Variants in LRRN2 observed in about 807,000 individuals in gnomAD.
LRRN2 encodes the protein leucine rich repeat neuronal 2.
A neutral mutation model predicts 35.7 loss-of-function variants in LRRN2; 10 were observed. The ratio of observed to expected loss-of-function variants is 0.28; its 90% confidence interval spans 0.17 to 0.47. The LOEUF (loss-of-function observed/expected upper bound fraction) is 0.47. Among genes scored for constraint, LRRN2 ranks in the 20% least tolerant of loss-of-function variants. LRRN2 has a pLI of 0.99. For synonymous variants in LRRN2, 391 were observed against 409.6 expected, an observed-to-expected ratio of 0.95 and a Z score of 0.55; for missense variants, 731 against 940.3, an observed-to-expected ratio of 0.78 and a Z score of 2.91.
chr1:204,619,379 A>G lies in LRRN2; in HGVS notation c.614T>C (p.Leu205Pro), dbSNP rs1439360455. ...GGCCAGGGGCCGGAAGTTCATGTCC[A>G]GGATGGCATCTACCTTGTTGCCGCC... ...MIGGNKVDAI[L>P]DMNFRPLANL... The change falls in exon 2 of 2, where the codon CTG becomes CCG. Residue 205 changes from leucine (L) to proline (P), a missense_variant. Around this residue, in one of 3 missense-constraint regions of LRRN2, gnomAD observed 246 missense variants for 289.5 expected, o/e 0.85. Coordinates refer to ENST00000367177, the MANE Select transcript of LRRN2 (RefSeq NM_201630.2). The G allele has an allele frequency of 6.2e-7, 1 of 1,614,252 alleles. No individual in the cohort carries two copies. The highest frequency in any genetic ancestry group is 1.7e-5 in the Admixed American group (1 of 60,028).
chr1:204,674,701 T>C (rs1668786157), intron 1 of LRRN2, among the ~76,000 whole-genome samples: 1 of 152,194 alleles, frequency 6.6e-6, no homozygotes, highest in Non-Finnish European at 1.5e-5. Context: ...CCCAGAGCTG[T>C]GTCTCCACTC....
At chr1:204,656,924 T>G (rs1029631076) in intron 1 of LRRN2, among the ~76,000 whole-genome samples, 1 of 152,228 alleles carries the variant, frequency 6.6e-6, no homozygotes, top group Non-Finnish European at 1.5e-5. Context: ...AACAACATAT[T>G]TTAAGTCTCC....
chr1:204,636,764 T>C (rs1667845209), intron 1 of LRRN2, among the ~76,000 whole-genome samples: 1 of 152,124 alleles, frequency 6.6e-6, no homozygotes, highest in Non-Finnish European at 1.5e-5. Flanking sequence ...GACTCTGTCT[T>C]TTAGAATAAA....
chr1:204,632,552 C>T (rs936819354), intron 1 of LRRN2, among the ~76,000 whole-genome samples: 2 of 151,570 alleles, frequency 1.3e-5, no homozygotes, highest in African/African-American at 2.4e-5. Context: ...TCACTTGAAC[C>T]CAGGGGGTGG....
intron 1 of LRRN2, among the ~76,000 whole-genome samples, chr1:204,663,341 T>G (rs1668509385): frequency 6.6e-6 from 1 of 152,208 alleles, no homozygotes; most frequent in African/African-American, 2.4e-5. Context: ...TATGCTTGGT[T>G]GACTTGGCCG....
Position 204,620,216 on chromosome 1 carries a change from G to A in LRRN2, c.-224C>T. On this transcript the variant is annotated splice_region_variant and 5_prime_UTR_variant, in exon 2 of 2. Transcript: ENST00000367177. The stretch of plus-strand genomic sequence containing the variant: ...TCATTGCCAGGCCCCATCAGGGGCA[G>A]CCCTGGAAGAAGAGGATGCAGAGTT... 1 of 1,438,898 alleles carries A rather than the reference G, an allele frequency of 6.9e-7. No homozygotes were observed. The allele number at this position is 1,438,898 out of a possible 1,614,324, so 89.1% of individuals were successfully genotyped here.
At chr1:204,672,126 G>T (rs1171476572) in intron 1 of LRRN2, among the ~76,000 whole-genome samples, 2 of 152,270 alleles carry the variant, frequency 1.3e-5, no homozygotes, top group East Asian at 1.9e-4. Context: ...GAATAATCGT[G>T]TCTTAGAGAC....
chr1:204,657,794 C>T (rs970527320), intron 1 of LRRN2, among the ~76,000 whole-genome samples: 2 of 151,986 alleles, frequency 1.3e-5, no homozygotes, highest in African/African-American at 2.4e-5. Context: ...GGTATAATGT[C>T]GTCTCTCAAC....
chr1:204,641,941 C>T (rs1295777147), intron 1 of LRRN2, among the ~76,000 whole-genome samples: 3 of 152,258 alleles, frequency 2.0e-5, no homozygotes, highest in African/African-American at 7.2e-5. Flanking sequence ...ATGCACCCTC[C>T]TCTCTGCAGC....
chr1:204,675,177 GA>G (rs2102242704), intron 1 of LRRN2, among the ~76,000 whole-genome samples: 1 of 152,240 alleles, frequency 6.6e-6, no homozygotes, highest in South Asian at 2.1e-4. Flanking sequence ...AGGCTTCTCG[GA>G]GCCACCGAGT....
intron 1 of LRRN2, among the ~76,000 whole-genome samples, chr1:204,663,251 G>A (rs1237246003): frequency 6.6e-6 from 1 of 152,162 alleles, no homozygotes; most frequent in Non-Finnish European, 1.5e-5. Flanking sequence ...TCATGGACCT[G>A]GAGCATATCA....
At chr1:204,637,405 G>A (rs1667861425) in intron 1 of LRRN2, among the ~76,000 whole-genome samples, 1 of 152,192 alleles carries the variant, frequency 6.6e-6, no homozygotes, top group Admixed American at 6.5e-5. Context: ...AGGGGAGAGG[G>A]TGGTGGCTGC....
chr1:204,666,962 CAAAAAAAAAAAAA>C (rs34503593), intron 1 of LRRN2, among the ~76,000 whole-genome samples: 2 of 64,814 alleles, frequency 3.1e-5, no homozygotes, highest in African/African-American at 1.3e-4. Flanking sequence ...ACTCTGTCTC[CAAAAAAAAAAAAA>C]AAAAAAAAAA....
chr1:204,684,133 G>C (rs564443611), intron 1 of LRRN2, among the ~76,000 whole-genome samples: 1 of 152,288 alleles, frequency 6.6e-6, no homozygotes, highest in South Asian at 2.1e-4. Flanking sequence ...TGCATGGGGA[G>C]ACCTACATCT....
At chr1:204,670,496 A>G (rs1242657199) in intron 1 of LRRN2, among the ~76,000 whole-genome samples, 1 of 152,150 alleles carries the variant, frequency 6.6e-6, no homozygotes, top group Non-Finnish European at 1.5e-5. Flanking sequence ...AAGAAAAGAC[A>G]CCAACTAGGA....
At position 204,618,971 on chromosome 1, in the gene LRRN2, A is replaced by G; in HGVS notation, c.1022T>C (p.Met341Thr). ...FHHLPQMETLMLNNNALSALH... is the reference protein window; with the variant it reads ...FHHLPQMETLTLNNNALSALH... ...GGCACTGAGAGCGTTGTTGTTGAGC[A>G]TGAGGGTCTCCATCTGGGGCAGGTG... The change falls in exon 2 of 2, where the codon ATG (methionine) becomes ACG (threonine). Residue 341 changes from methionine to threonine, a missense_variant. Transcript: ENST00000367177. 1 of 1,613,802 alleles carries G rather than the reference A, an allele frequency of 6.2e-7. No homozygotes were observed. The highest frequency in any genetic ancestry group is 1.7e-5 in the Admixed American group (1 of 60,016).
At chr1:204,679,614 C>G (rs1173638700) in intron 1 of LRRN2, among the ~76,000 whole-genome samples, 1 of 152,196 alleles carries the variant, frequency 6.6e-6, no homozygotes, top group Admixed American at 6.5e-5. Flanking sequence ...CTGAAATACA[C>G]GAGTCTGCCT....
chr1:204,639,016 C>T (rs889746460), intron 1 of LRRN2, among the ~76,000 whole-genome samples: 3 of 152,250 alleles, frequency 2.0e-5, no homozygotes, highest in East Asian at 3.8e-4. Context: ...GAAAGTCTTT[C>T]CCCTGTGAGC....
At position 204,619,484 on chromosome 1, in the gene LRRN2, A is replaced by G; in HGVS notation, c.509T>C (p.Leu170Pro). Residue 170 changes from leucine (L) to proline (P), a missense_variant, in exon 2 of 2, where the codon CTG becomes CCG. By Grantham distance (98) the Leu-to-Pro change is moderately conservative (BLOSUM62 -3). Coordinates refer to ENST00000367177, the MANE Select transcript of LRRN2 (RefSeq NM_201630.2). ...AFSGLSNLLRLHLNSNLLRAI... is the reference protein window; with the variant it reads ...AFSGLSNLLRPHLNSNLLRAI... ...CCTCAGGAGGTTGGAGTTGAGGTGCAGCCGCAGCAAGTTGCTGAGGCCAGA... is the reference window on the plus strand; with the variant it reads ...CCTCAGGAGGTTGGAGTTGAGGTGCGGCCGCAGCAAGTTGCTGAGGCCAGA... 1.2e-6 allele frequency: 2 copies of G among 1,614,248 alleles called. No homozygotes were observed. Among genetic ancestry groups the G allele is most frequent in the Non-Finnish European group, 1.7e-6 (2 of 1,180,044 alleles).
Sources: allele counts gnomAD v4.1 joint callset (sites outside exome capture counted in the v4.1 genomes callset), GRCh38; gene constraint gnomAD v4.1.1; regional missense constraint gnomAD v4.1.1; transcripts MANE v1.5; gene names NCBI Gene and HGNC (gene_info 2026-07-23, HGNC 2026-07-21).